The following GNG2 variants were observed in gnomAD, a reference collection of about 807,000 sequenced individuals.
GNG2 encodes the protein G protein subunit gamma 2, also known as guanine nucleotide-binding protein G(I)/G(S)/G(O) subunit gamma-2.
A neutral mutation model predicts 5.5 loss-of-function variants in GNG2; 5 were observed. The ratio of observed to expected loss-of-function variants is 0.91; its 90% CI spans 0.48 to 1.92. The LOEUF is 1.92. Ranked by LOEUF, GNG2 falls within the 30% of genes most tolerant of loss-of-function variation. The pLI, the probability that GNG2 is intolerant of heterozygous loss-of-function variation, is 0.01. For synonymous variants in GNG2, 28 were observed against 32.0 expected (o/e 0.88, Z 0.42); for missense variants, 55 against 88.4 (o/e 0.62, Z 1.52).
intron 1 of GNG2, among the ~76,000 whole-genome samples, chr14:51,862,810 G>T (rs1882606576): frequency 6.6e-6 from 1 of 152,224 alleles, no homozygotes; most frequent in African/African-American, 2.4e-5. Context: ...AGTAACAGCA[G>T]ATCAGTAACT....
At chr14:51,872,749 A>C (rs1220296383) in intron 1 of GNG2, among the ~76,000 whole-genome samples, 1 of 152,202 alleles carries the variant, frequency 6.6e-6, no homozygotes, top group East Asian at 1.9e-4. Context: ...CTAAAATGAT[A>C]TTTATTGAAT....
At chr14:51,925,655 A>G (rs1220001919) in intron 2 of GNG2, among the ~76,000 whole-genome samples, 1 of 152,174 alleles carries the variant, frequency 6.6e-6, no homozygotes, top group Non-Finnish European at 1.5e-5. Flanking sequence ...TCTATCACCC[A>G]GGCTGGAGTG....
chr14:51,831,370 G>T (rs1230454087), intron 2 of GNG2, among the ~76,000 whole-genome samples: 1 of 152,188 alleles, frequency 6.6e-6, no homozygotes, highest in Non-Finnish European at 1.5e-5. Context: ...TGCCTGTATA[G>T]ATCACTGCAT....
At chr14:51,845,327 C>CA (rs1158571683) in intron 2 of GNG2, among the ~76,000 whole-genome samples, 3 of 152,160 alleles carry the variant, frequency 2.0e-5, no homozygotes, top group Middle Eastern at 3.4e-3. Context: ...CCTATATCTA[C>CA]AAAAAAATAC....
chr14:51,897,352 G>A (rs1336359588), intron 2 of GNG2, among the ~76,000 whole-genome samples: 2 of 152,160 alleles, frequency 1.3e-5, no homozygotes, highest in East Asian at 3.8e-4. Context: ...TGTAATGTCA[G>A]GCAGCTGTAG....
chr14:51,895,954 T>G (rs1358625995), intron 2 of GNG2, among the ~76,000 whole-genome samples: 1 of 152,256 alleles, frequency 6.6e-6, no homozygotes, highest in Non-Finnish European at 1.5e-5. Context: ...ACCATGACTG[T>G]GAGGCTTCCC....
chr14:51,866,286 G>A (rs141511651), intron 1 of GNG2, among the ~76,000 whole-genome samples: 7 of 152,256 alleles, frequency 4.6e-5, no homozygotes, highest in East Asian at 1.9e-4. Context: ...CTGCATCTCC[G>A]CAGGGCCATT....
At chr14:51,877,482 C>A (rs1016271243) in intron 1 of GNG2, 135 bp from the exon 2 acceptor site, 2 of 351,744 alleles carry the variant, frequency 5.7e-6, no homozygotes, top group Middle Eastern at 3.9e-4. Context: ...TGTGAGACCT[C>A]CTGCCCTTAT....
At chr14:51,898,808 C>T (rs959861187) in intron 2 of GNG2, among the ~76,000 whole-genome samples, 1 of 152,190 alleles carries the variant, frequency 6.6e-6, no homozygotes, top group African/African-American at 2.4e-5. Flanking sequence ...TGACAGCTAG[C>T]TACAGCACTT....
chr14:51,906,303 C>T (rs1566677696), intron 2 of GNG2, among the ~76,000 whole-genome samples: 1 of 152,190 alleles, frequency 6.6e-6, no homozygotes, highest in Non-Finnish European at 1.5e-5. Context: ...CATTGTGATA[C>T]ATTTTATGTA....
At position 51,841,521 on chromosome 14, in the gene GNG2, C is replaced by A. The variant is rs1386672952; in HGVS notation, c.64+13714C>A. The A allele has an allele frequency of 7.1e-6, 5 of 702,042 alleles. No homozygotes were observed. In the South Asian group the frequency reaches 7.4e-5, roughly 10 times the overall value. The allele number at this position is 702,042 out of a possible 1,614,324, so 43.5% of individuals were successfully genotyped here. ...CATTTTACAGACAAGAATCCCAGAG[C>A]ATAGAAAAGTCACACAGCTAATTAA... is the stretch of plus-strand genomic sequence containing the variant. On this transcript the variant is annotated intron_variant, in intron 2 of 3. Transcript: ENST00000553432.
chr14:51,966,739 A>G lies in GNG2; in HGVS notation c.*52A>G, dbSNP rs1889942362. On this transcript the variant is annotated 3_prime_UTR_variant, in exon 4 of 4. Coordinates refer to ENST00000556766, the MANE Select transcript of GNG2 (RefSeq NM_053064.5). ...CCGGGCTCCTGGGACATTGATGTAG[A>G]GTTTTTAGTGAAGTGGGCACCTTTC... The G allele has an allele frequency of 6.5e-7, 1 of 1,548,178 alleles. No homozygotes were observed.
intron 1 of GNG2, among the ~76,000 whole-genome samples, chr14:51,870,070 C>G (rs925854847): frequency 2.0e-5 from 3 of 152,078 alleles, no homozygotes; most frequent in African/African-American, 4.8e-5. Flanking sequence ...TATTATTATT[C>G]CCATTTTATA....
chr14:51,894,025 G>A lies in GNG2; in HGVS notation c.-30+16368G>A, dbSNP rs903936095. Among the ~76,000 whole-genome samples the A allele has an allele frequency of 4.6e-5, 7 of 151,838 alleles. No homozygotes were observed. In the East Asian group the frequency reaches 1.3e-3, roughly 29 times the overall value. The stretch of plus-strand genomic sequence containing the variant: ...GGTTTTAATATCTAGAAAAGTAACT[G>A]GGTCCCATTTTATTCTTCTTTTTAA... On this transcript the variant is annotated intron_variant, in intron 2 of 3. Coordinates refer to ENST00000556766, the MANE Select transcript of GNG2 (RefSeq NM_053064.5).
intron 2 of GNG2, among the ~76,000 whole-genome samples, chr14:51,906,188 A>G (rs1332054132): frequency 6.6e-6 from 1 of 152,174 alleles, no homozygotes; most frequent in Non-Finnish European, 1.5e-5. Context: ...TGCCTTTCCT[A>G]CCACCTGACC....
At chr14:51,951,257 C>T (rs935776012) in intron 3 of GNG2, among the ~76,000 whole-genome samples, 16 of 152,090 alleles carry the variant, frequency 1.1e-4, no homozygotes, top group Non-Finnish European at 2.4e-4. Flanking sequence ...CACACCTTGC[C>T]TCCCTAAGAA....
chr14:51,914,651 C>T (rs1158838660), intron 2 of GNG2, among the ~76,000 whole-genome samples: 3 of 152,212 alleles, frequency 2.0e-5, no homozygotes, highest in Non-Finnish European at 4.4e-5. Flanking sequence ...AAGGGAGCTC[C>T]TTTGCGGCCT....
chr14:51,917,536 G>A (rs1886723694), intron 2 of GNG2: 1 of 419,726 alleles, frequency 2.4e-6, no homozygotes, highest in Non-Finnish European at 4.8e-6. Flanking sequence ...CCAGCAAATA[G>A]CATAAATCTT....
At chr14:51,829,684 G>A (rs4901158) in intron 2 of GNG2, among the ~76,000 whole-genome samples, 1 of 151,676 alleles carries the variant, frequency 6.6e-6, no homozygotes. Context: ...TTCCTTCCCT[G>A]TCATTCTCCA....
Sources: gnomAD v4.1 joint callset for allele counts (sites outside exome capture counted in the v4.1 genomes callset) on GRCh38, gnomAD v4.1.1 for gene constraint, MANE v1.5 for transcripts, NCBI Gene and HGNC (gene_info 2026-07-23, HGNC 2026-07-21) for gene names.